The following INSC variants were observed in gnomAD, a reference collection of about 807,000 sequenced individuals.
INSC encodes the protein INSC spindle orientation adaptor protein.
In INSC, 67 loss-of-function variants were observed where a neutral mutation model predicts 58.6. The ratio of observed to expected loss-of-function variants is 1.14; its 90% confidence interval spans 0.94 to 1.40. INSC has a LOEUF of 1.40. Among genes scored for constraint, INSC ranks in the 40% most tolerant of loss-of-function variants. INSC has a pLI of 0.00. For missense variants in INSC, 714 were observed against 692.0 expected, an observed-to-expected ratio of 1.03 and a Z score of -0.36; for synonymous variants, 262 against 276.1, an observed-to-expected ratio of 0.95 and a Z score of 0.51.
At chr11:15,248,249 G>T (rs1349886911), downstream of INSC, among the ~76,000 whole-genome samples, 1 of 152,116 alleles carries the variant, frequency 6.6e-6, no homozygotes, top group Non-Finnish European at 1.5e-5. Flanking sequence ...ATTCCTAAGT[G>T]GAATTGGCAT....
chr11:15,232,262 G>C (rs973728871), intron 9 of INSC, among the ~76,000 whole-genome samples: 35 of 152,162 alleles, frequency 2.3e-4, no homozygotes, highest in African/African-American at 7.5e-4. Context: ...AGCCCCCCGA[G>C]TGCTGCAGGT....
At chr11:15,164,797 G>A (rs749885627) in intron 2 of INSC, among the ~76,000 whole-genome samples, 7 of 152,094 alleles carry the variant, frequency 4.6e-5, no homozygotes, top group Non-Finnish European at 8.8e-5. Flanking sequence ...TGTTGTGGGA[G>A]GGACCAGGTG....
chr11:15,242,011 T>C (rs1383318483), intron 12 of INSC, among the ~76,000 whole-genome samples: 1 of 152,200 alleles, frequency 6.6e-6, no homozygotes, highest in Non-Finnish European at 1.5e-5. Flanking sequence ...GCATTCACAT[T>C]GCAACTGAAG....
intron 2 of INSC, among the ~76,000 whole-genome samples, chr11:15,151,832 G>A (rs1314370728): frequency 6.6e-6 from 1 of 152,130 alleles, no homozygotes; most frequent in Non-Finnish European, 1.5e-5. Context: ...ACAGGGCTGG[G>A]TCCAGATGTC....
At chr11:15,145,733 G>A (rs1416740041) in intron 1 of INSC, among the ~76,000 whole-genome samples, 1 of 152,158 alleles carries the variant, frequency 6.6e-6, no homozygotes, top group Non-Finnish European at 1.5e-5. Flanking sequence ...CCATATGACT[G>A]CAGTGTTTGC....
chr11:15,221,596 G>A lies in INSC; in HGVS notation c.939G>A (p.Gln313=). 1.2e-6 allele frequency: 2 copies of A among 1,613,898 alleles called. No homozygotes were observed. The highest frequency in any genetic ancestry group is 1.7e-6 in the Non-Finnish European group (2 of 1,179,920). Residue 313 remains glutamine (Q), a synonymous_variant, in exon 8 of 13, where the codon CAG becomes CAA. Coordinates refer to ENST00000379556, the MANE Select transcript of INSC (RefSeq NM_001042536.3). ...CCTCCCCACACCTGCCCGTCACCCA[G>A]CACCTCAGTAGCTTCCTGGAGAGCA... ...QVTSPHLPVT[Q]HLSSFLESME...
chr11:15,181,455 T>A (rs73424593), intron 5 of INSC, among the ~76,000 whole-genome samples: 2,118 of 152,210 alleles, frequency 0.014, 49 homozygotes, highest in African/African-American at 0.048. Context: ...TTGGACTCCT[T>A]CAATTATGGT....
intron 2 of INSC, among the ~76,000 whole-genome samples, chr11:15,154,834 G>A (rs1043883682): frequency 1.3e-5 from 2 of 151,986 alleles, no homozygotes; most frequent in African/African-American, 4.8e-5. Context: ...ACCCATGTTA[G>A]TGCCACAGGG....
At chr11:15,207,687 A>G (rs1373591108) in intron 7 of INSC, among the ~76,000 whole-genome samples, 2 of 152,208 alleles carry the variant, frequency 1.3e-5, no homozygotes, top group Non-Finnish European at 2.9e-5. Context: ...CTGCTGTTTT[A>G]CAGGGGTCTG....
At position 15,169,708 on chromosome 11, in the gene INSC, A is replaced by ATT. The variant is rs56681092; in HGVS notation, c.57-6022_57-6021dup. Among the ~76,000 whole-genome samples the ATT allele has an allele frequency of 6.5e-3, 960 of 146,630 alleles. 7 individuals carry two copies. The highest frequency in any genetic ancestry group is 0.023 in the African/African-American group (920 of 40,358). ...AGGCGTGTGTCACCACACCCAGCTA[A>ATT]TTTTTTTTTTTTGTACTTTTAGTAG... On this transcript the variant is annotated intron_variant, in intron 2 of 12. Transcript: ENST00000379556.
chr11:15,173,454 T>A (rs1451051200), intron 2 of INSC, among the ~76,000 whole-genome samples: 1 of 152,146 alleles, frequency 6.6e-6, no homozygotes, highest in African/African-American at 2.4e-5. Context: ...GGTAATAAGA[T>A]GCAGAAGATT....
At chr11:15,240,344 C>G (rs1484312643) in intron 11 of INSC, 103 bp from the exon 12 acceptor site, 18 of 979,728 alleles carry the variant, frequency 1.8e-5, no homozygotes, top group Non-Finnish European at 2.7e-5. Context: ...GGGTTCAGTC[C>G]CCTTCTCTGG....
the INSC span, among the ~76,000 whole-genome samples, chr11:15,259,612 G>A: frequency 2.0e-5 from 3 of 152,166 alleles, no homozygotes; most frequent in African/African-American, 7.2e-5. Flanking sequence ...AACAGGATGA[G>A]GGAAGGAGAT....
intron 1 of INSC, among the ~76,000 whole-genome samples, chr11:15,116,271 C>G (rs1209532825): frequency 6.6e-6 from 1 of 152,192 alleles, no homozygotes; most frequent in Non-Finnish European, 1.5e-5. Flanking sequence ...CTGGATTACA[C>G]TTGCTGCAGA....
intron 1 of INSC, among the ~76,000 whole-genome samples, chr11:15,130,267 C>A (rs1406685194): frequency 1.3e-5 from 2 of 152,100 alleles, no homozygotes; most frequent in East Asian, 3.9e-4. Flanking sequence ...AGAGATGTCT[C>A]TTCTATTTCT....
At chr11:15,149,969 A>G (rs891645183) in intron 2 of INSC, among the ~76,000 whole-genome samples, 1 of 152,248 alleles carries the variant, frequency 6.6e-6, no homozygotes, top group Non-Finnish European at 1.5e-5. Context: ...CAGCAAATCA[A>G]TTGGGAGGAA....
At chr11:15,211,203 G>A (rs1339883892) in intron 7 of INSC, among the ~76,000 whole-genome samples, 1 of 152,210 alleles carries the variant, frequency 6.6e-6, no homozygotes, top group Non-Finnish European at 1.5e-5. Flanking sequence ...TTGGAGATTT[G>A]TAATAGCTGG....
At chr11:15,241,113 A>AT (rs1437101441) in intron 12 of INSC, among the ~76,000 whole-genome samples, 3 of 152,184 alleles carry the variant, frequency 2.0e-5, no homozygotes, top group Non-Finnish European at 4.4e-5. Context: ...GGGGTCCACC[A>AT]TGAAATAATC....
At chr11:15,201,763 C>T (rs1171624261) in intron 7 of INSC, among the ~76,000 whole-genome samples, 1 of 152,116 alleles carries the variant, frequency 6.6e-6, no homozygotes, top group Non-Finnish European at 1.5e-5. Context: ...AGGCCTGGTA[C>T]GTCCTGCTAC....
Sources: allele counts gnomAD v4.1 joint callset (sites outside exome capture counted in the v4.1 genomes callset), GRCh38; gene constraint gnomAD v4.1.1; transcripts MANE v1.5; gene names NCBI Gene and HGNC (gene_info 2026-07-23, HGNC 2026-07-21).